The following ACOXL variants were observed in gnomAD, a reference collection of about 807,000 sequenced individuals.
ACOXL encodes the protein acyl-coenzyme A oxidase-like protein.
A neutral mutation model predicts 71.9 loss-of-function variants in ACOXL; 70 were observed. The observed-to-expected ratio is 0.97, with a 90% CI of 0.80 to 1.19. The LOEUF is 1.19. Among genes scored for constraint, ACOXL ranks in the 50% most tolerant of loss-of-function variants. The pLI, the probability that ACOXL is intolerant of heterozygous loss-of-function variation, is 0.00. For missense variants in ACOXL, 703 were observed against 736.3 expected (o/e 0.95, Z 0.52); for synonymous variants, 253 against 281.6 (o/e 0.90, Z 1.02).
At chr2:110,948,759 T>C (rs1454862674) in intron 12 of ACOXL, among the ~76,000 whole-genome samples, 1 of 141,170 alleles carries the variant, frequency 7.1e-6, no homozygotes, top group Non-Finnish European at 1.5e-5. Context: ...CACAGTGGGC[T>C]CCTGCTCAGC....
intron 11 of ACOXL, among the ~76,000 whole-genome samples, chr2:110,933,116 A>C (rs1386773178): frequency 6.6e-6 from 1 of 152,206 alleles, no homozygotes. Flanking sequence ...TTGATTTTTT[A>C]AAAGTCATGT....
chr2:111,055,618 C>T (rs754240796), intron 16 of ACOXL, among the ~76,000 whole-genome samples: 2 of 152,248 alleles, frequency 1.3e-5, no homozygotes, highest in East Asian at 1.9e-4. Flanking sequence ...TGTGGCCACA[C>T]ACCCTGTGAA....
chr2:110,767,708 G>A (rs772824265), intron 1 of ACOXL, among the ~76,000 whole-genome samples: 15 of 152,124 alleles, frequency 9.9e-5, no homozygotes, highest in Non-Finnish European at 1.9e-4. Context: ...TCACTCCCTT[G>A]CCCCTATCTC....
chr2:110,852,929 A>G (rs917141775), intron 10 of ACOXL, among the ~76,000 whole-genome samples: 2 of 152,180 alleles, frequency 1.3e-5, no homozygotes, highest in African/African-American at 2.4e-5. Context: ...ATTAGAGCCC[A>G]TGGTGGGTGA....
At chr2:110,785,857 G>A (rs535220141) in intron 3 of ACOXL, among the ~76,000 whole-genome samples, 2 of 152,318 alleles carry the variant, frequency 1.3e-5, no homozygotes, top group African/African-American at 2.4e-5. Flanking sequence ...ATTCTCCAAA[G>A]TTAGTGCATC....
intron 10 of ACOXL, among the ~76,000 whole-genome samples, chr2:110,841,929 T>C (rs745887275): frequency 2.3e-4 from 35 of 152,240 alleles, no homozygotes; most frequent in Non-Finnish European, 4.7e-4. Context: ...TGTGTTGATA[T>C]CAACATTTTC....
chr2:110,953,033 C>G (rs1461097259), intron 12 of ACOXL, among the ~76,000 whole-genome samples: 2 of 152,036 alleles, frequency 1.3e-5, no homozygotes, highest in Non-Finnish European at 2.9e-5. Flanking sequence ...AAAATATAGC[C>G]AACATTTGTT....
At chr2:110,785,328 A>G (rs1156538362) in intron 3 of ACOXL, among the ~76,000 whole-genome samples, 2 of 152,048 alleles carry the variant, frequency 1.3e-5, no homozygotes, top group Admixed American at 1.3e-4. Context: ...CTGTTAGGAC[A>G]TAGACCCTAT....
At chr2:111,027,212 C>T (rs1239378969) in intron 14 of ACOXL, among the ~76,000 whole-genome samples, 2 of 151,138 alleles carry the variant, frequency 1.3e-5, no homozygotes, top group Non-Finnish European at 3.0e-5. Context: ...TGTTTTAAAC[C>T]CTTCTTATAT....
rs1452445738 is a variant in ACOXL at position 110,846,636 on chromosome 2, T to TACACACACACACACACACACACACAC, written c.788+5235_788+5236insACACACACACACACACACACACACAC. 1.4e-3 allele frequency among the ~76,000 whole-genome samples: 61 copies of TACACACACACACACACACACACACAC among 44,884 alleles called. 3 individuals are homozygous for TACACACACACACACACACACACACAC. Among genetic ancestry groups the TACACACACACACACACACACACACAC allele is most frequent in the East Asian group, 0.01 (14 of 1,346 alleles). 29.4% of individuals were successfully genotyped at this position (44,884 alleles called of 152,430 possible). A position where few individuals can be genotyped will look rare whatever the true frequency, so the allele number is the denominator to read the frequency against. On this transcript the variant is annotated intron_variant, in intron 10 of 17. Coordinates refer to ENST00000439055, the MANE Select transcript of ACOXL (RefSeq NM_001142807.4). The stretch of plus-strand genomic sequence containing the variant: ...CCGCATGTGAGCATGCAAGTATGCA[T>TACACACACACACACACACACACACAC]ACACGCACACACACACACACACACA...
In ACOXL at chr2:110,830,506, A is replaced by G. The variant is rs34161011; in HGVS notation, c.754-10865A>G. Among the ~76,000 whole-genome samples the G allele has an allele frequency of 1.9e-3, 288 of 152,078 alleles. 1 individual carries two copies. The highest frequency in any genetic ancestry group is 3.4e-3 in the Middle Eastern group (1 of 294). On this transcript the variant is annotated intron_variant, in intron 9 of 17. Coordinates refer to ENST00000439055, the MANE Select transcript of ACOXL (RefSeq NM_001142807.4). ...CGCTTGTATTCTATATTCCTGGTAG[A>G]AGGCTCAGGTTTTTTGGGTTTGTTT... is the stretch of plus-strand genomic sequence containing the variant.
intron 9 of ACOXL, among the ~76,000 whole-genome samples, chr2:110,834,986 G>C (rs1690274226): frequency 6.6e-6 from 1 of 152,218 alleles, no homozygotes; most frequent in Non-Finnish European, 1.5e-5. Context: ...GGAGCAGTGA[G>C]GAATGGCAGC....
chr2:110,936,277 A>G (rs1234072157), intron 12 of ACOXL, among the ~76,000 whole-genome samples: 1 of 152,024 alleles, frequency 6.6e-6, no homozygotes, highest in East Asian at 1.9e-4. Context: ...TGTTATTATT[A>G]TTATTATTGA....
At chr2:110,969,918 A>T (rs1574328673) in intron 12 of ACOXL, among the ~76,000 whole-genome samples, 1 of 152,196 alleles carries the variant, frequency 6.6e-6, no homozygotes, top group Admixed American at 6.5e-5. Context: ...TATCTGACTC[A>T]ACAAAGTTGA....
At chr2:110,810,083 G>A (rs1559292685) in intron 9 of ACOXL, among the ~76,000 whole-genome samples, 1 of 152,218 alleles carries the variant, frequency 6.6e-6, no homozygotes. Flanking sequence ...AGGTGTCAGA[G>A]TGTCACATTC....
chr2:110,932,829 A>G (rs1292916318), intron 11 of ACOXL, among the ~76,000 whole-genome samples: 1 of 152,142 alleles, frequency 6.6e-6, no homozygotes, highest in Non-Finnish European at 1.5e-5. Context: ...CTTGGACAGA[A>G]AGCAAAGGAG....
intron 16 of ACOXL, among the ~76,000 whole-genome samples, chr2:111,091,604 A>G (rs2068527791): frequency 6.6e-6 from 1 of 152,168 alleles, no homozygotes; most frequent in African/African-American, 2.4e-5. Context: ...TATGAATTGC[A>G]GTTCATAGTC....
intron 9 of ACOXL, among the ~76,000 whole-genome samples, chr2:110,835,317 A>G (rs1690317764): frequency 6.6e-6 from 1 of 152,110 alleles, no homozygotes; most frequent in Non-Finnish European, 1.5e-5. Context: ...ATCATAAAGT[A>G]AGCTCCATAG....
chr2:111,104,613 C>T (rs1349190890), intron 17 of ACOXL, among the ~76,000 whole-genome samples: 2 of 152,136 alleles, frequency 1.3e-5, no homozygotes, highest in Non-Finnish European at 2.9e-5. Flanking sequence ...TTTTCATATG[C>T]TTATTTGCCA....
Sources: allele counts gnomAD v4.1 joint callset (sites outside exome capture counted in the v4.1 genomes callset), GRCh38; gene constraint gnomAD v4.1.1; transcripts MANE v1.5; gene names NCBI Gene and HGNC (gene_info 2026-07-23, HGNC 2026-07-21).